Variants in FGD6 observed in about 807,000 individuals in gnomAD.
The protein encoded by FGD6 is FYVE, RhoGEF and PH domain-containing protein 6.
In FGD6, 90 loss-of-function variants were observed where a neutral mutation model predicts 149.4. That is an observed-to-expected ratio of 0.60 (90% confidence interval 0.51 to 0.72). The LOEUF (loss-of-function observed/expected upper bound fraction) is 0.72. FGD6 is among the 30% of genes least tolerant of loss of function. FGD6 has a pLI of 0.00. For missense variants in FGD6, 1,437 were observed against 1,684.8 expected, an observed-to-expected ratio of 0.85 and a Z score of 2.57; for synonymous variants, 527 against 584.0, an observed-to-expected ratio of 0.90 and a Z score of 1.41.
chr12:95,126,841 T>C (rs1448132511), intron 8 of FGD6, among the ~76,000 whole-genome samples: 4 of 151,362 alleles, frequency 2.6e-5, no homozygotes, highest in Admixed American at 6.6e-5. Flanking sequence ...GGTGGGAGAA[T>C]TGCTTGAACC....
At chr12:95,150,582 C>T (rs61937899) in intron 5 of FGD6, among the ~76,000 whole-genome samples, 13,890 of 151,900 alleles carry the variant, frequency 0.091, 830 homozygotes, top group African/African-American at 0.17. Flanking sequence ...GTAAGCTTGC[C>T]ACTCAATAAA....
intron 7 of FGD6, among the ~76,000 whole-genome samples, chr12:95,135,556 A>G (rs11609550): frequency 0.032 from 4,941 of 152,268 alleles, 113 homozygotes; most frequent in Middle Eastern, 0.075. Flanking sequence ...CCCATTCCTG[A>G]GCCTCACCCT....
In FGD6 at chr12:95,209,349, T is replaced by C. The variant is rs768423880; in HGVS notation, c.1935A>G (p.Gln645=). 4 of 1,612,818 alleles carry C rather than the reference T, an allele frequency of 2.5e-6. No homozygotes were observed. The African/African-American group carries it at 4.0e-5, about 16-fold the overall frequency. ...LSICFMKSDF[Q]KFWSKSSQLG... ...GTTGGCTACTCTTGGACCAAAATTTTTGAAAGTCACTCTTCATGAAACAGA... is the reference window on the plus strand; with the variant it reads ...GTTGGCTACTCTTGGACCAAAATTTCTGAAAGTCACTCTTCATGAAACAGA... The change falls in exon 2 of 21, where the codon CAA becomes CAG. Residue 645 remains glutamine, a synonymous_variant. Transcript: ENST00000343958.
At chr12:95,134,243 G>A (rs1455184902) in intron 8 of FGD6, among the ~76,000 whole-genome samples, 2 of 151,964 alleles carry the variant, frequency 1.3e-5, no homozygotes, top group Admixed American at 6.6e-5. Flanking sequence ...GACTACAGGC[G>A]TGTCCACTGC....
At chr12:95,145,471 T>G (rs938985250) in intron 5 of FGD6, among the ~76,000 whole-genome samples, 1 of 152,156 alleles carries the variant, frequency 6.6e-6, no homozygotes, top group Non-Finnish European at 1.5e-5. Context: ...ATGATCACCC[T>G]GGCTGGTCCG....
rs11829776 is a variant in FGD6 at position 95,137,666 on chromosome 12, T to C, written c.2850A>G (p.Gln950=). The change falls in exon 7 of 21, where the codon CAA becomes CAG. Residue 950 remains glutamine (Q), a synonymous_variant. Coordinates refer to ENST00000343958, the MANE Select transcript of FGD6 (RefSeq NM_018351.4). ...EERMLHWTEQ[Q]RIADIFVKKG... ...TCTTTACAAAGATATCAGCAATTCT[T>C]TGTTGTTCAGTCCTATGGATAGAGA... 0.2 allele frequency: 325,011 copies of C among 1,593,134 alleles called. 35,288 individuals carry two copies. The highest frequency in any genetic ancestry group is 0.21 in the Non-Finnish European group (248,880 of 1,169,864).
At chr12:95,202,000 A>T (rs935078222) in intron 2 of FGD6, among the ~76,000 whole-genome samples, 1 of 138,482 alleles carries the variant, frequency 7.2e-6, no homozygotes, top group Non-Finnish European at 1.6e-5. Context: ...ACACACACAC[A>T]TCTTCTTCTT....
At chr12:95,171,196 C>T (rs1880978753) in intron 3 of FGD6, among the ~76,000 whole-genome samples, 1 of 152,080 alleles carries the variant, frequency 6.6e-6, no homozygotes, top group Admixed American at 6.6e-5. Flanking sequence ...GGATCTGGGA[C>T]TTAAATTCAG....
chr12:95,217,193 T>C (rs749544151), intron 1 of FGD6, 32 bp downstream of exon 1: 2 of 1,611,974 alleles, frequency 1.2e-6, no homozygotes, highest in Non-Finnish European at 1.7e-6. Flanking sequence ...CGCCACAAAC[T>C]TTCCCGCGGC....
At chr12:95,188,586 C>T (rs1200933170) in intron 2 of FGD6, among the ~76,000 whole-genome samples, 1 of 152,056 alleles carries the variant, frequency 6.6e-6, no homozygotes, top group East Asian at 1.9e-4. Context: ...CAAACAAAAC[C>T]CCCAAAACCT....
rs142887562 is a variant in FGD6, at chr12:95,082,361, G to A, written c.4257-805C>T. On this transcript the variant is annotated intron_variant, in intron 20 of 20. Coordinates refer to ENST00000343958, the MANE Select transcript of FGD6 (RefSeq NM_018351.4). ...AGTGTTGATCAAAAGTTTGCATGCT[G>A]TATGAGAGCTTCTCGGCTGGGCGCC... Among the ~76,000 whole-genome samples the A allele has an allele frequency of 8.1e-4, 123 of 152,014 alleles. 1 individual carries two copies. Among genetic ancestry groups the A allele is most frequent in the African/African-American group, 2.6e-3 (109 of 41,486 alleles).
intron 8 of FGD6, among the ~76,000 whole-genome samples, chr12:95,125,552 CTT>C (rs1265084779): frequency 3.3e-5 from 5 of 152,254 alleles, no homozygotes; most frequent in African/African-American, 1.2e-4. Context: ...GGGAGGATCT[CTT>C]GAGTCTGGAA....
intron 9 of FGD6, 130 bp downstream of exon 9, chr12:95,113,521 C>T: frequency 1.4e-6 from 1 of 711,248 alleles, no homozygotes; most frequent in Non-Finnish European, 2.4e-6. Flanking sequence ...CAGGTGTGAG[C>T]CACCGCACCT....
In FGD6 at chr12:95,125,799, T is replaced by C. The variant is rs960757786; in HGVS notation, c.3082+8940A>G. The C allele has an allele frequency of 8.1e-5, 65 of 799,780 alleles. No homozygotes were observed. The Admixed American group carries it at 1.1e-3, about 14-fold the overall frequency. 49.5% of individuals were successfully genotyped at this position (799,780 alleles called of 1,614,324 possible). On this transcript the variant is annotated intron_variant, in intron 8 of 20. Transcript: ENST00000343958. ...CTTCATGGAGGTTGGCTGGGCAACC[T>C]ACGTCGCCTTTGGACCTCATGCTGG...
chr12:95,157,295 G>T (rs998798082), intron 3 of FGD6, among the ~76,000 whole-genome samples: 1 of 152,110 alleles, frequency 6.6e-6, no homozygotes, highest in Admixed American at 6.6e-5. Flanking sequence ...GGCTGGGTGC[G>T]GTGGCTGACG....
Position 95,091,777 on chromosome 12 carries a change from A to G in FGD6, c.3780T>C (p.Tyr1260=). The G allele has an allele frequency of 5.6e-6, 9 of 1,613,330 alleles. No individual in the cohort carries two copies. The highest frequency in any genetic ancestry group is 7.6e-6 in the Non-Finnish European group (9 of 1,179,820). ...GTTGATTTTTCAGGTAATCTAAGCC[A>G]TACTTATTAGACGAACAAGCTTGGC... is the stretch of plus-strand genomic sequence containing the variant. ...IVCQACSSNK[Y]GLDYLKNQPA... Residue 1260 remains tyrosine, a synonymous_variant, in exon 17 of 21, where the codon TAT becomes TAC. Coordinates refer to ENST00000343958, the MANE Select transcript of FGD6 (RefSeq NM_018351.4).
chr12:95,142,431 C>A (rs1210169083), intron 5 of FGD6, among the ~76,000 whole-genome samples: 1 of 152,172 alleles, frequency 6.6e-6, no homozygotes, highest in South Asian at 2.1e-4. Flanking sequence ...GTGTGACCCA[C>A]TGCACCCAGC....
rs1215950075 is a variant in FGD6 at position 95,107,888 on chromosome 12, T to TACAC, written c.3265-258_3265-257insGTGT. ...AGGCACATGTAATTGACTGAGCGTG[T>TACAC]ACTTGATCCTGAAGCATACCCAACA... is the stretch of plus-strand genomic sequence containing the variant. On this transcript the variant is annotated intron_variant, in intron 11 of 20. Coordinates refer to ENST00000343958, the MANE Select transcript of FGD6 (RefSeq NM_018351.4). 6.6e-5 allele frequency among the ~76,000 whole-genome samples: 10 copies of TACAC among 152,296 alleles called. No homozygotes were observed. The East Asian group carries it at 1.5e-3, about 23-fold the overall frequency.
chr12:95,083,883 C>T (rs550829598), intron 20 of FGD6, among the ~76,000 whole-genome samples: 6 of 152,088 alleles, frequency 3.9e-5, no homozygotes, highest in Admixed American at 3.3e-4. Flanking sequence ...TCAAAAGAGA[C>T]CTAATTTCAC....
Sources: allele counts gnomAD v4.1 joint callset (sites outside exome capture counted in the v4.1 genomes callset), GRCh38; gene constraint gnomAD v4.1.1; transcripts MANE v1.5; gene names NCBI Gene and HGNC (gene_info 2026-07-23, HGNC 2026-07-21).